PTPRT: variants seen among roughly 807,000 people sequenced by gnomAD.
PTPRT encodes the protein receptor-type tyrosine-protein phosphatase T.
PTPRT carries 56 observed loss-of-function variants against 176.8 expected under a neutral mutation model. That is an observed-to-expected ratio of 0.32 (90% confidence interval 0.26 to 0.40). The LOEUF (loss-of-function observed/expected upper bound fraction) is 0.40. Ranked by LOEUF, PTPRT falls within the 10% of genes least tolerant of loss-of-function variation. The pLI is 1.00. For missense variants in PTPRT, 1,540 were observed against 1,908.2 expected (o/e 0.81, Z 3.60); for synonymous variants, 783 against 739.0 (o/e 1.06, Z -0.96).
At chr20:42,670,591 T>A (rs2075395517) in intron 7 of PTPRT, among the ~76,000 whole-genome samples, 1 of 151,980 alleles carries the variant, frequency 6.6e-6, no homozygotes, top group Non-Finnish European at 1.5e-5. Context: ...CAATCAACCC[T>A]CAGGTGGAGG....
At chr20:43,066,775 G>T (rs1477294470) in intron 1 of PTPRT, among the ~76,000 whole-genome samples, 1 of 152,190 alleles carries the variant, frequency 6.6e-6, no homozygotes, top group Non-Finnish European at 1.5e-5. Context: ...TTGTTCTACA[G>T]CAGGGCTCAG....
chr20:42,658,566 A>G (rs1270191893), intron 7 of PTPRT, among the ~76,000 whole-genome samples: 1 of 152,218 alleles, frequency 6.6e-6, no homozygotes, highest in African/African-American at 2.4e-5. Context: ...AGCTAGTAAT[A>G]TGTGCACTGG....
chr20:42,412,158 C>A (rs2059025286), intron 9 of PTPRT, among the ~76,000 whole-genome samples: 2 of 152,118 alleles, frequency 1.3e-5, no homozygotes, highest in African/African-American at 4.8e-5. Flanking sequence ...ATACAAAACA[C>A]ACAAATGTGA....
chr20:42,473,314 TTGTCTA>T (rs1230607230), intron 7 of PTPRT, among the ~76,000 whole-genome samples: 1 of 152,218 alleles, frequency 6.6e-6, no homozygotes, highest in African/African-American at 2.4e-5. Context: ...ATACATAATG[TTGTCTA>T]TGTCTAATTT....
At chr20:42,541,897 G>A (rs2072589324) in intron 7 of PTPRT, among the ~76,000 whole-genome samples, 1 of 149,590 alleles carries the variant, frequency 6.7e-6, no homozygotes, top group Admixed American at 6.6e-5. Context: ...AAGTGATACG[G>A]TTTGGCTGTG....
chr20:43,163,759 A>G (rs1195148817), intron 1 of PTPRT, among the ~76,000 whole-genome samples: 1 of 152,200 alleles, frequency 6.6e-6, no homozygotes, highest in East Asian at 1.9e-4. Context: ...GGGAAAAATT[A>G]TCCAAAGATA....
chr20:43,098,406 A>C (rs1370288564), intron 1 of PTPRT, among the ~76,000 whole-genome samples: 1 of 152,158 alleles, frequency 6.6e-6, no homozygotes, highest in African/African-American at 2.4e-5. Flanking sequence ...ATCATTTTGT[A>C]CATTAGGAAT....
At chr20:42,805,725 G>T (rs1217396653) in intron 2 of PTPRT, among the ~76,000 whole-genome samples, 1 of 152,124 alleles carries the variant, frequency 6.6e-6, no homozygotes, top group Non-Finnish European at 1.5e-5. Context: ...CCTTTGCAAC[G>T]ATTATTTCCC....
rs151121923 is a variant in PTPRT at position 43,142,777 on chromosome 20, T to C, written c.88+46869A>G. Among the ~76,000 whole-genome samples the C allele has an allele frequency of 2.9e-3, 435 of 152,336 alleles. 3 individuals carry two copies. The highest frequency in any genetic ancestry group is 9.4e-3 in the African/African-American group (389 of 41,588). On this transcript the variant is annotated intron_variant, in intron 1 of 30. Transcript: ENST00000373187. ...CACCCAAGGGGCAGGAGAAGCCGTG[T>C]TGACATGGCCATACCAGGCATGGTA... is the stretch of plus-strand genomic sequence containing the variant.
At chr20:42,134,080 G>C (rs931761629) in intron 18 of PTPRT, among the ~76,000 whole-genome samples, 14 of 152,200 alleles carry the variant, frequency 9.2e-5, no homozygotes, top group Admixed American at 2.6e-4. Flanking sequence ...GGCACTGCAA[G>C]GAGTGGCAGT....
chr20:42,453,373 C>A (rs781418967), intron 8 of PTPRT, among the ~76,000 whole-genome samples: 12 of 151,560 alleles, frequency 7.9e-5, no homozygotes, highest in Non-Finnish European at 1.3e-4. Context: ...TTACAAATTG[C>A]ATTTCTAGGA....
chr20:42,927,869 A>G (rs1403215101), intron 1 of PTPRT, among the ~76,000 whole-genome samples: 1 of 152,226 alleles, frequency 6.6e-6, no homozygotes, highest in African/African-American at 2.4e-5. Context: ...TTGTACTTAG[A>G]CCACTATGTA....
chr20:42,453,714 A>T (rs1601054550), intron 8 of PTPRT, among the ~76,000 whole-genome samples: 3 of 143,934 alleles, frequency 2.1e-5, no homozygotes, highest in East Asian at 4.0e-4. Context: ...CTTGTCACCC[A>T]GACTGGAGGG....
intron 1 of PTPRT, among the ~76,000 whole-genome samples, chr20:43,069,261 C>T (rs1475077932): frequency 1.3e-5 from 2 of 152,176 alleles, no homozygotes; most frequent in Admixed American, 6.5e-5. Context: ...GGTTAACGCG[C>T]GCATCCAGCT....
chr20:42,791,557 C>T (rs2145552518), intron 2 of PTPRT, 91 bp from the exon 3 acceptor site: 1 of 1,384,790 alleles, frequency 7.2e-7, no homozygotes, highest in Non-Finnish European at 9.7e-7. Context: ...ACATGGTGGC[C>T]AGAGGAGTGG....
At chr20:42,350,514 G>T in intron 11 of PTPRT, 114 bp downstream of exon 11, 1 of 899,026 alleles carries the variant, frequency 1.1e-6, no homozygotes, top group Non-Finnish European at 1.8e-6. Context: ...CTCCGAGGAA[G>T]CTTTGTTCCT....
chr20:42,206,075 T>C (rs910040264), intron 15 of PTPRT, among the ~76,000 whole-genome samples: 1 of 152,196 alleles, frequency 6.6e-6, no homozygotes, highest in Non-Finnish European at 1.5e-5. Context: ...TGTGGACACC[T>C]GCTCCACATT....
At chr20:43,115,765 C>T (rs937528798) in intron 1 of PTPRT, among the ~76,000 whole-genome samples, 5 of 152,064 alleles carry the variant, frequency 3.3e-5, no homozygotes, top group African/African-American at 1.2e-4. Context: ...TCCAGACACC[C>T]CGTCCAGGGC....
intron 1 of PTPRT, among the ~76,000 whole-genome samples, chr20:43,180,925 G>A (rs2015242213): frequency 6.6e-6 from 1 of 152,102 alleles, no homozygotes; most frequent in African/African-American, 2.4e-5. Context: ...ACTTGCTTCT[G>A]ACAGAATATG....
Sources: gnomAD v4.1 joint callset for allele counts (sites outside exome capture counted in the v4.1 genomes callset) on GRCh38, gnomAD v4.1.1 for gene constraint, MANE v1.5 for transcripts, NCBI Gene and HGNC (gene_info 2026-07-23, HGNC 2026-07-21) for gene names.